GUCY1A1: variants seen among roughly 807,000 people sequenced by gnomAD.
GUCY1A1 encodes guanylate cyclase soluble subunit alpha-1.
In GUCY1A1, 48 loss-of-function variants were observed where a neutral mutation model predicts 64.5. The observed-to-expected ratio is 0.74, with a 90% CI of 0.59 to 0.95. The LOEUF is 0.95. GUCY1A1 is among the 40% of genes least tolerant of loss of function. The probability of loss-of-function intolerance (pLI) is 0.00; values close to 1 mark genes in which losing one functional copy is unlikely to be tolerated. For synonymous variants in GUCY1A1, 308 were observed against 303.4 expected, an observed-to-expected ratio of 1.02 and a Z score of -0.16; for missense variants, 804 against 825.3, an observed-to-expected ratio of 0.97 and a Z score of 0.32.
chr4:155,705,034 C>T (rs1379289109), intron 4 of GUCY1A1, among the ~76,000 whole-genome samples: 1 of 152,188 alleles, frequency 6.6e-6, no homozygotes, highest in African/African-American at 2.4e-5. Flanking sequence ...CAGGCATGTG[C>T]CACCATGCTC....
At chr4:155,719,554 T>A (rs943335398) in intron 8 of GUCY1A1, among the ~76,000 whole-genome samples, 1 of 152,172 alleles carries the variant, frequency 6.6e-6, no homozygotes, top group Non-Finnish European at 1.5e-5. Flanking sequence ...TGGTATAGAA[T>A]TGAAGTGAAA....
chr4:155,704,659 T>A (rs2126801304), intron 4 of GUCY1A1, among the ~76,000 whole-genome samples: 1 of 152,324 alleles, frequency 6.6e-6, no homozygotes, highest in African/African-American at 2.4e-5. Flanking sequence ...TTTTCTAGTA[T>A]TCTTTGAAAT....
intron 3 of GUCY1A1, among the ~76,000 whole-genome samples, chr4:155,698,163 G>T (rs896332688): frequency 1.3e-5 from 2 of 152,120 alleles, no homozygotes; most frequent in Non-Finnish European, 2.9e-5. Context: ...GCTTTCAAAG[G>T]GTAGAGCAAT....
chr4:155,713,415 A>G lies in GUCY1A1; in HGVS notation c.1404A>G (p.Gln468=). The G allele has an allele frequency of 2.5e-6, 4 of 1,614,160 alleles. No individual in the cohort carries two copies. The highest frequency in any genetic ancestry group is 3.4e-6 in the Non-Finnish European group (4 of 1,180,008). ...GTGAGGTTGCTCAGCAGCTGTGGCAAGGGCAAGTTGTGCAAGCCAAGAAGT... is the reference window on the plus strand; with the variant it reads ...GTGAGGTTGCTCAGCAGCTGTGGCAGGGGCAAGTTGTGCAAGCCAAGAAGT... ...FPCEVAQQLW[Q]GQVVQAKKFS... is the part of the protein sequence containing the mutation. Residue 468 remains glutamine (Q), a synonymous_variant, in exon 7 of 10, where the codon CAA becomes CAG. Transcript: ENST00000506455.
intron 5 of GUCY1A1, 43 bp from the exon 6 acceptor site, chr4:155,710,499 G>A: frequency 4.5e-6 from 5 of 1,112,232 alleles, no homozygotes; most frequent in South Asian, 4.4e-5. Context: ...CTTTACCAAG[G>A]TGGCATATTT....
At chr4:155,667,951 T>A (rs1733584857) in intron 2 of GUCY1A1, 2 of 152,376 alleles carry the variant, frequency 1.3e-5, no homozygotes, top group Admixed American at 1.3e-4. Context: ...CGCGTCCTCC[T>A]CCACAGCAAA....
intron 9 of GUCY1A1, chr4:155,722,457 C>T: frequency 2.4e-6 from 3 of 1,265,740 alleles, no homozygotes; most frequent in Non-Finnish European, 2.0e-6. Flanking sequence ...CTTTTAGAAG[C>T]ACATATTAAT....
At chr4:155,725,796 C>T (rs1447151553) in intron 9 of GUCY1A1, among the ~76,000 whole-genome samples, 1 of 152,024 alleles carries the variant, frequency 6.6e-6, no homozygotes, top group East Asian at 1.9e-4. Flanking sequence ...CAGGACAATG[C>T]TCATGACTTA....
chr4:155,713,551 G>A lies in GUCY1A1; in HGVS notation c.1540G>A (p.Asp514Asn), dbSNP rs144801036. 7 of 1,613,708 alleles carry A rather than the reference G, an allele frequency of 4.3e-6. No individual in the cohort carries two copies. Among genetic ancestry groups the A allele is most frequent in the Non-Finnish European group, 5.9e-6 (7 of 1,179,728 alleles). ...TMLNALYTRF[D>N]QQCGELDVYK... is the part of the protein sequence containing the mutation. ...GCTCAATGCACTGTACACTCGCTTC[G>A]ACCAGCAGTGTGGAGAGCTGGATGT... The change falls in exon 7 of 10, where the codon GAC becomes AAC. Residue 514 changes from aspartate to asparagine, a missense_variant. Coordinates refer to ENST00000506455, the MANE Select transcript of GUCY1A1 (RefSeq NM_001130682.3).
intron 8 of GUCY1A1, among the ~76,000 whole-genome samples, chr4:155,718,995 G>A (rs975078916): frequency 3.3e-5 from 5 of 152,210 alleles, no homozygotes; most frequent in Admixed American, 6.5e-5. Flanking sequence ...GTTTGAGGGG[G>A]CTTGTAGCAT....
Position 155,734,653 on chromosome 4 carries a change from A to C in GUCY1A1, c.*4422A>C, listed in dbSNP as rs1220000856. On this transcript the variant is annotated 3_prime_UTR_variant, in exon 10 of 10. Transcript: ENST00000506455. ...GCATATATGAGAGGTGGGAGGGCAG[A>C]GACGCCTTGCGATTCCTGTGAGGAG... 6.6e-6 allele frequency: 1 copy of C among 151,994 alleles called. No homozygotes were observed. The highest frequency in any genetic ancestry group is 1.5e-5 in the Non-Finnish European group (1 of 67,952). The allele number at this position is 151,994 out of a possible 1,614,324, so 9.4% of individuals were successfully genotyped here. A position where few individuals can be genotyped will look rare whatever the true frequency, so the allele number is the denominator to read the frequency against.
chr4:155,706,468 A>G (rs1345372461), intron 4 of GUCY1A1, among the ~76,000 whole-genome samples: 1 of 151,580 alleles, frequency 6.6e-6, no homozygotes, highest in African/African-American at 2.4e-5. Context: ...CAAAAATCCA[A>G]TATATCAACC....
Position 155,730,917 on chromosome 4 carries a change from T to C in GUCY1A1, c.*686T>C, listed in dbSNP as rs1735472229. ...GTGTTATAATAATAAATATTTCTTT[T>C]GTTTGACTTTTTTAAAATTCTACAA... On this transcript the variant is annotated 3_prime_UTR_variant, in exon 10 of 10. Transcript: ENST00000506455. The C allele has an allele frequency of 6.5e-6, 1 of 153,332 alleles. No individual in the cohort carries two copies. The highest frequency in any genetic ancestry group is 6.6e-5 in the Admixed American group (1 of 15,188). The allele number at this position is 153,332 out of a possible 1,614,324, so 9.5% of individuals were successfully genotyped here.
chr4:155,719,830 G>T (rs1295168768), intron 8 of GUCY1A1, among the ~76,000 whole-genome samples: 3 of 152,082 alleles, frequency 2.0e-5, no homozygotes, highest in Non-Finnish European at 4.4e-5. Flanking sequence ...GATGAGAAAT[G>T]GGCTATGCCA....
At chr4:155,726,129 A>T (rs60504979) in intron 9 of GUCY1A1, among the ~76,000 whole-genome samples, 1,724 of 152,070 alleles carry the variant, frequency 0.011, 31 homozygotes, top group African/African-American at 0.039. Context: ...TTATAGACAA[A>T]TATGATATAG....
At chr4:155,699,014 A>G (rs1730760123) in intron 3 of GUCY1A1, among the ~76,000 whole-genome samples, 1 of 151,884 alleles carries the variant, frequency 6.6e-6, no homozygotes, top group Admixed American at 6.6e-5. Flanking sequence ...CATTATATTG[A>G]ATTTTTTGTC....
chr4:155,723,192 A>G (rs1734200714), intron 9 of GUCY1A1, among the ~76,000 whole-genome samples: 1 of 152,158 alleles, frequency 6.6e-6, no homozygotes, highest in African/African-American at 2.4e-5. Context: ...CCTGCAATCA[A>G]GGACAACAGC....
At chr4:155,679,336 G>A (rs954533438) in intron 2 of GUCY1A1, among the ~76,000 whole-genome samples, 4 of 152,118 alleles carry the variant, frequency 2.6e-5, no homozygotes, top group Non-Finnish European at 2.9e-5. Flanking sequence ...AAGAATACCC[G>A]AAGTTGGATA....
rs1468398315 is a variant in GUCY1A1 at position 155,736,671 on chromosome 4, C to A, written c.*6440C>A. On this transcript the variant is annotated 3_prime_UTR_variant, in exon 10 of 10. Transcript: ENST00000506455. ...TTTGGTCCTGATGTGTAAAATGATT[C>A]ATGGGGTTTCACATACAGACAAGTA... The A allele has an allele frequency of 6.6e-6, 1 of 151,912 alleles. No individual in the cohort carries two copies. The highest frequency in any genetic ancestry group is 1.9e-4 in the East Asian group (1 of 5,160). The allele number at this position is 151,912 out of a possible 1,614,324, so 9.4% of individuals were successfully genotyped here.
Sources: gnomAD v4.1 joint callset for allele counts (sites outside exome capture counted in the v4.1 genomes callset) on GRCh38, gnomAD v4.1.1 for gene constraint, MANE v1.5 for transcripts, NCBI Gene and HGNC (gene_info 2026-07-23, HGNC 2026-07-21) for gene names.